IDH3A: variants seen among roughly 807,000 people sequenced by gnomAD.
IDH3A encodes isocitrate dehydrogenase (NAD(+)) 3 catalytic subunit alpha.
Under a neutral mutation model 43.3 loss-of-function variants are expected in IDH3A, and 23 were observed. The ratio of observed to expected loss-of-function variants is 0.53; its 90% CI spans 0.38 to 0.75. IDH3A has a LOEUF of 0.75. Ranked by LOEUF, IDH3A falls within the 30% of genes least tolerant of loss-of-function variation. The pLI is 0.00. For missense variants in IDH3A, 329 were observed against 474.4 expected, an observed-to-expected ratio of 0.69 and a Z score of 2.85; for synonymous variants, 154 against 163.5, an observed-to-expected ratio of 0.94 and a Z score of 0.44.
At chr15:78,166,419 T>C in intron 10 of IDH3A, 117 bp downstream of exon 10, 1 of 1,035,880 alleles carries the variant, frequency 9.7e-7, no homozygotes, top group Non-Finnish European at 1.5e-6. Flanking sequence ...GCATTTGATG[T>C]TGAACAAGGA....
chr15:78,161,747 A>C lies in IDH3A; in HGVS notation c.456A>C (p.Glu152Asp). ...CCATTCGAGAGAACACAGAAGGAGAATACAGTGGAATTGAGCATGTGGTAT... is the reference window on the plus strand; with the variant it reads ...CCATTCGAGAGAACACAGAAGGAGACTACAGTGGAATTGAGCATGTGGTAT... ...IVTIRENTEG[E>D]YSGIEHVIVD... Residue 152 changes from glutamate to aspartate, a missense_variant, in exon 5 of 11, where the codon GAA (glutamate) becomes GAC (aspartate). By Grantham distance (45) the Glu-to-Asp change is conservative. Transcript: ENST00000299518. The surrounding 1 kb of genome is among the most constrained non-coding windows in gnomAD (Gnocchi z 4.8). The C allele has an allele frequency of 6.2e-7, 1 of 1,614,166 alleles. No homozygotes were observed. The highest frequency in any genetic ancestry group is 1.3e-5 in the African/African-American group (1 of 75,064).
chr15:78,156,163 G>A (rs1346969745), intron 2 of IDH3A, among the ~76,000 whole-genome samples: 1 of 152,104 alleles, frequency 6.6e-6, no homozygotes, highest in Admixed American at 6.6e-5. Context: ...TCAAGCTCAA[G>A]GATAGCCATG....
Position 78,162,216 on chromosome 15 carries a change from G to A in IDH3A, c.478-18G>A, listed in dbSNP as rs1343692425. The A allele has an allele frequency of 2.5e-6, 4 of 1,613,740 alleles. No homozygotes were observed. In the Admixed American group the frequency reaches 5.0e-5, roughly 20 times the overall value. ...CTGTCACACTCTTTCCAGCAAGGTG[G>A]GACTTCCTGTCTTGCAGATTGTTGA... is the stretch of plus-strand genomic sequence containing the variant. On this transcript the variant is annotated intron_variant, in intron 5 of 10. Coordinates refer to ENST00000299518, the MANE Select transcript of IDH3A (RefSeq NM_005530.3).
intron 1 of IDH3A, chr15:78,154,765 A>G (rs1302482382): frequency 6.5e-6 from 1 of 153,118 alleles, no homozygotes; most frequent in Non-Finnish European, 1.5e-5. Flanking sequence ...ACAACAAGAA[A>G]TAAGTGAGTT....
intron 10 of IDH3A, among the ~76,000 whole-genome samples, chr15:78,166,668 G>A (rs2074746728): frequency 6.6e-6 from 1 of 152,146 alleles, no homozygotes. Context: ...GTCTTGCTCT[G>A]TCACCCAGGC....
Position 78,162,291 on chromosome 15 carries a change from A to G in IDH3A, c.535A>G (p.Ile179Val). 6.2e-7 allele frequency: 1 copy of G among 1,614,178 alleles called. No homozygotes were observed. Among genetic ancestry groups the G allele is most frequent in the Non-Finnish European group, 8.5e-7 (1 of 1,180,036 alleles). The change falls in exon 6 of 11, where the codon ATT becomes GTT. Residue 179 changes from isoleucine to valine, a missense_variant. Physicochemically the swap from Ile to Val is conservative, Grantham distance 29. Transcript: ENST00000299518. Reference sequence around the variant, plus strand: ...CATCACCGAGGGGGCGAGCAAGCGCATTGCTGAGTTTGCCTTTGAGTATGC... The same window carrying G: ...CATCACCGAGGGGGCGAGCAAGCGCGTTGCTGAGTTTGCCTTTGAGTATGC... ...KLITEGASKR[I>V]AEFAFEYARN...
At chr15:78,156,387 T>A (rs1005862321) in intron 2 of IDH3A, among the ~76,000 whole-genome samples, 1 of 152,144 alleles carries the variant, frequency 6.6e-6, no homozygotes, top group African/African-American at 2.4e-5. Context: ...GTGGGAGATT[T>A]GCTTAAGGCC....
intron 8 of IDH3A, among the ~76,000 whole-genome samples, chr15:78,164,759 T>G (rs1567072462): frequency 6.6e-6 from 1 of 152,244 alleles, no homozygotes; most frequent in East Asian, 1.9e-4. Context: ...TCACCATGTC[T>G]TCTGTGTCCT....
chr15:78,168,257 T>TA (rs35284793), intron 10 of IDH3A: 9,799 of 146,444 alleles, frequency 0.067, 423 homozygotes, highest in South Asian at 0.19. Context: ...CCCCGTCTCT[T>TA]AAAAAAAAAA....
At position 78,163,773 on chromosome 15, in the gene IDH3A, AT is replaced by A. The variant is rs2074708551; in HGVS notation, c.773del (p.Ile258ThrfsTer9). The A allele has an allele frequency of 6.2e-7, 1 of 1,607,708 alleles. No homozygotes were observed. Among genetic ancestry groups the A allele is most frequent in the Non-Finnish European group, 8.5e-7 (1 of 1,174,348 alleles). ...VLVMPNLYGD[I>X]LSDLCAGLIG... is the part of the protein sequence containing the mutation. ...TGTTATGCCAAATTTGTATGGAGAC[AT>A]CCTTAGGTGAGTCTGGCTGCAACCT... On this transcript the variant is annotated frameshift_variant, in exon 8 of 11. Transcript: ENST00000299518. LOFTEE classifies it high-confidence loss of function.
Position 78,164,583 on chromosome 15 carries a change from C to T in IDH3A, c.780-409C>T, listed in dbSNP as rs540014323. 2.6e-5 allele frequency among the ~76,000 whole-genome samples: 4 copies of T among 152,304 alleles called. No individual in the cohort carries two copies. The South Asian group carries it at 8.3e-4, about 32-fold the overall frequency. On this transcript the variant is annotated intron_variant, in intron 8 of 10. Coordinates refer to ENST00000299518, the MANE Select transcript of IDH3A (RefSeq NM_005530.3). ...GCCAGGCTGGTCTGGAACTCCTGAC[C>T]TCAAGTGATCTGCCCACCTTGGCCT... is the stretch of plus-strand genomic sequence containing the variant.
rs747010119 is a variant in IDH3A at position 78,164,987 on chromosome 15, G to T, written c.780-5G>T. 1 of 1,609,544 alleles carries T rather than the reference G, an allele frequency of 6.2e-7. No individual in the cohort carries two copies. The highest frequency in any genetic ancestry group is 8.5e-7 in the Non-Finnish European group (1 of 1,177,118). ...ACATTCTTTGAAATGCTTTTCTTCCGCTAGTGACTTGTGTGCAGGATTGAT... is the reference window on the plus strand; with the variant it reads ...ACATTCTTTGAAATGCTTTTCTTCCTCTAGTGACTTGTGTGCAGGATTGAT... On this transcript the variant is annotated splice_region_variant and splice_polypyrimidine_tract_variant and intron_variant, in intron 8 of 10. Coordinates refer to ENST00000299518, the MANE Select transcript of IDH3A (RefSeq NM_005530.3).
At position 78,161,023 on chromosome 15, in the gene IDH3A, A is replaced by C. The variant is rs910116852; in HGVS notation, c.290-558A>C. On this transcript the variant is annotated intron_variant, in intron 4 of 10. Coordinates refer to ENST00000299518, the MANE Select transcript of IDH3A (RefSeq NM_005530.3). This position sits in a 1 kb window ranked among gnomAD's most constrained non-coding sequence, Gnocchi z 4.8. Reference sequence around the variant, plus strand: ...CAGCCTCCTAAGTAGCTGGGATTACAGGCACACACCACAACGCCCAGCTAA... The same window carrying C: ...CAGCCTCCTAAGTAGCTGGGATTACCGGCACACACCACAACGCCCAGCTAA... Among the ~76,000 whole-genome samples, 3 of 152,192 alleles carry C rather than the reference A, an allele frequency of 2.0e-5. No individual in the cohort carries two copies. Among genetic ancestry groups the C allele is most frequent in the Admixed American group, 2.0e-4 (3 of 15,270 alleles).
chr15:78,160,295 G>C, intron 4 of IDH3A, 89 bp downstream of exon 4: 1 of 708,698 alleles, frequency 1.4e-6, no homozygotes, highest in Non-Finnish European at 2.5e-6. Flanking sequence ...AACTGAATAA[G>C]GCCTGGCCAT....
intron 9 of IDH3A, 139 bp downstream of exon 9, chr15:78,165,215 G>T (rs1051991632): frequency 1.6e-6 from 1 of 622,254 alleles, no homozygotes. Context: ...TTCTCGAGAC[G>T]GAGTCTCGCT....
At chr15:78,160,380 T>TC (rs1039422192) in intron 4 of IDH3A, among the ~76,000 whole-genome samples, 174 bp downstream of exon 4, 2 of 152,028 alleles carry the variant, frequency 1.3e-5, no homozygotes, top group Non-Finnish European at 2.9e-5. Context: ...GACATTTTTT[T>TC]CCCCCAGTAA....
chr15:78,166,073 TA>T, intron 9 of IDH3A, 76 bp from the exon 10 acceptor site: 1 of 1,374,678 alleles, frequency 7.3e-7, no homozygotes, highest in South Asian at 1.2e-5. Flanking sequence ...GAAAGATGGT[TA>T]AGACTCCAGC....
At chr15:78,165,951 C>G (rs142414510) in intron 9 of IDH3A, among the ~76,000 whole-genome samples, 199 bp from the exon 10 acceptor site, 1 of 152,116 alleles carries the variant, frequency 6.6e-6, no homozygotes, top group Non-Finnish European at 1.5e-5. Context: ...GGCCTATCAA[C>G]GTGTTGCGAT....
chr15:78,165,084 C>T lies in IDH3A; in HGVS notation c.864+8C>T, dbSNP rs376985202. The T allele has an allele frequency of 1.1e-4, 182 of 1,588,034 alleles. No homozygotes were observed. Among genetic ancestry groups the T allele is most frequent in the Non-Finnish European group, 1.7e-5 (20 of 1,156,454 alleles). ...GTTGCAATTTTTGAGTCGGTAAGGACCCTGACACCTGAAACAGAACTCAGG... is the reference window on the plus strand; with the variant it reads ...GTTGCAATTTTTGAGTCGGTAAGGATCCTGACACCTGAAACAGAACTCAGG... On this transcript the variant is annotated splice_region_variant and intron_variant, in intron 9 of 10. Transcript: ENST00000299518.
Sources: gnomAD v4.1 joint callset for allele counts (sites outside exome capture counted in the v4.1 genomes callset) on GRCh38, gnomAD v4.1.1 for gene constraint, Gnocchi (gnomAD v3.1) non-coding constraint, MANE v1.5 for transcripts, NCBI Gene and HGNC (gene_info 2026-07-23, HGNC 2026-07-21) for gene names.